Variants in PLAGL2 observed in about 807,000 individuals in gnomAD.
The protein encoded by PLAGL2 is zinc finger protein PLAGL2.
A neutral mutation model predicts 29.0 loss-of-function variants in PLAGL2; 7 were observed. The ratio of observed to expected loss-of-function variants is 0.24; its 90% confidence interval spans 0.14 to 0.45. PLAGL2 has a LOEUF of 0.45. Ranked by LOEUF, PLAGL2 falls within the 20% of genes least tolerant of loss-of-function variation. PLAGL2 has a pLI of 0.99. For synonymous variants in PLAGL2, 234 were observed against 266.0 expected, an observed-to-expected ratio of 0.88 and a Z score of 1.17; for missense variants, 454 against 648.2, an observed-to-expected ratio of 0.70 and a Z score of 3.25.
rs959803878 is a variant in PLAGL2 at position 32,195,171 on chromosome 20, T to C, written c.*1281A>G. 6.6e-6 allele frequency: 1 copy of C among 152,202 alleles called. No individual in the cohort carries two copies. The highest frequency in any genetic ancestry group is 1.5e-5 in the Non-Finnish European group (1 of 68,014). The allele number at this position is 152,202 out of a possible 1,614,324, so 9.4% of individuals were successfully genotyped here. A position where few individuals can be genotyped will look rare whatever the true frequency, so the allele number is the denominator to read the frequency against. ...TAAAGTGGAAGAGACAGAAGGGACA[T>C]TGTGGATAAGGAAAATTTTGGTTTG... On this transcript the variant is annotated 3_prime_UTR_variant, in exon 3 of 3. Transcript: ENST00000246229.
rs2047232805 is a variant in PLAGL2 at position 32,196,982 on chromosome 20, T to C, written c.961A>G (p.Met321Val). Residue 321 changes from methionine to valine, a missense_variant, in exon 3 of 3, where the codon ATG becomes GTG. Physicochemically the swap from Met to Val is conservative, Grantham distance 21. Transcript: ENST00000246229. Reference sequence around the variant, plus strand: ...GATTCCAGAGGGTAGCTCATACCCATGGGCAGCGTGTTGTGCACCAGGGAG... The same window carrying C: ...GATTCCAGAGGGTAGCTCATACCCACGGGCAGCGTGTTGTGCACCAGGGAG... Reference protein sequence around the residue: ...PHSLVHNTLPMGMSYPLESSP... With the variant: ...PHSLVHNTLPVGMSYPLESSP... The C allele has an allele frequency of 6.2e-7, 1 of 1,614,206 alleles. No homozygotes were observed. Among genetic ancestry groups the C allele is most frequent in the Non-Finnish European group, 8.5e-7 (1 of 1,180,024 alleles).
At chr20:32,205,802 T>C (rs2047283447) in intron 1 of PLAGL2, among the ~76,000 whole-genome samples, 1 of 152,218 alleles carries the variant, frequency 6.6e-6, no homozygotes, top group South Asian at 2.1e-4. Flanking sequence ...GTCTTTGTAT[T>C]GAGTTGCATG....
Position 32,194,538 on chromosome 20 carries a change from T to C in PLAGL2, c.*1914A>G, listed in dbSNP as rs1313982904. On this transcript the variant is annotated 3_prime_UTR_variant, in exon 3 of 3. Coordinates refer to ENST00000246229, the MANE Select transcript of PLAGL2 (RefSeq NM_002657.3). Reference sequence around the variant, plus strand: ...TAAATCAAAACACACTTACTCCAAATTGCTTCTAATCAAGAGCTAGGGAGC... The same window carrying C: ...TAAATCAAAACACACTTACTCCAAACTGCTTCTAATCAAGAGCTAGGGAGC... 1 of 152,642 alleles carries C rather than the reference T, an allele frequency of 6.6e-6. No homozygotes were observed. The highest frequency in any genetic ancestry group is 2.4e-5 in the African/African-American group (1 of 41,450). 9.5% of individuals were successfully genotyped at this position (152,642 alleles called of 1,614,324 possible). A position where few individuals can be genotyped will look rare whatever the true frequency, so the allele number is the denominator to read the frequency against.
chr20:32,201,904 G>C lies in PLAGL2; in HGVS notation c.260+15C>G, dbSNP rs755444816. ...GGAACCTCAGGGCAGGAAGAGATATGAGAGTGTCACCTACCTATACAGCTT... is the reference window on the plus strand; with the variant it reads ...GGAACCTCAGGGCAGGAAGAGATATCAGAGTGTCACCTACCTATACAGCTT... On this transcript the variant is annotated intron_variant, in intron 2 of 2. Coordinates refer to ENST00000246229, the MANE Select transcript of PLAGL2 (RefSeq NM_002657.3). 1.2e-6 allele frequency: 2 copies of C among 1,605,908 alleles called. No individual in the cohort carries two copies. The highest frequency in any genetic ancestry group is 2.2e-5 in the South Asian group (2 of 90,740).
rs1367577475 is a variant in PLAGL2, at chr20:32,195,358, C to G, written c.*1094G>C. ...TCCTCCTTTGCTATCCACACCAACC[C>G]AGACTCTGCTTCCAAGACTAATAAC... On this transcript the variant is annotated 3_prime_UTR_variant, in exon 3 of 3. Transcript: ENST00000246229. 6.6e-6 allele frequency: 1 copy of G among 152,654 alleles called. No individual in the cohort carries two copies. Among genetic ancestry groups the G allele is most frequent in the African/African-American group, 2.4e-5 (1 of 41,450 alleles). 9.5% of individuals were successfully genotyped at this position (152,654 alleles called of 1,614,324 possible).
intron 2 of PLAGL2, among the ~76,000 whole-genome samples, chr20:32,199,890 C>T (rs756735502): frequency 2.0e-5 from 3 of 152,008 alleles, no homozygotes; most frequent in Non-Finnish European, 4.4e-5. Context: ...ACTGGAGTTC[C>T]CTTAACTTAT....
rs1463473427 is a variant in PLAGL2, at chr20:32,198,072, T to C, written c.261-390A>G. On this transcript the variant is annotated intron_variant, in intron 2 of 2. Coordinates refer to ENST00000246229, the MANE Select transcript of PLAGL2 (RefSeq NM_002657.3). ...GAAAAAAAGCAAGGAGGCAGAATAGTGGATGTAGACTAGGACTCTATGTGA... is the reference window on the plus strand; with the variant it reads ...GAAAAAAAGCAAGGAGGCAGAATAGCGGATGTAGACTAGGACTCTATGTGA... 2.6e-5 allele frequency among the ~76,000 whole-genome samples: 4 copies of C among 152,232 alleles called. 1 individual carries two copies. Among genetic ancestry groups the C allele is most frequent in the Middle Eastern group, 6.8e-3 (2 of 294 alleles).
At chr20:32,203,796 G>A (rs1420721965) in intron 1 of PLAGL2, among the ~76,000 whole-genome samples, 1 of 152,186 alleles carries the variant, frequency 6.6e-6, no homozygotes, top group Non-Finnish European at 1.5e-5. Context: ...TCCTGTTCAG[G>A]AACCATTCCT....
At chr20:32,203,363 G>A (rs2047269301) in intron 1 of PLAGL2, among the ~76,000 whole-genome samples, 3 of 152,210 alleles carry the variant, frequency 2.0e-5, no homozygotes, top group African/African-American at 7.2e-5. Flanking sequence ...TAGAAGGGGA[G>A]ATGTGCAAGA....
Position 32,196,671 on chromosome 20 carries a change from G to A in PLAGL2, c.1272C>T (p.Asn424=). 1.3e-6 allele frequency: 2 copies of A among 1,545,010 alleles called. No homozygotes were observed. Among genetic ancestry groups the A allele is most frequent in the African/African-American group, 1.4e-5 (1 of 72,938 alleles). Residue 424 remains asparagine, a synonymous_variant, in exon 3 of 3, where the codon AAC becomes AAT. Coordinates refer to ENST00000246229, the MANE Select transcript of PLAGL2 (RefSeq NM_002657.3). ...CCCCAGGTGGGTTACACGGGGGCAG[G>A]TTGAGTGGAAGAAAGCCCAGTAGGT... ...FSHLLGFLPL[N]LPPCNPPGAT... is the part of the protein sequence containing the mutation.
Position 32,192,794 on chromosome 20 carries a change from G to A in PLAGL2, c.*3658C>T, listed in dbSNP as rs1208933992. 1 of 152,642 alleles carries A rather than the reference G, an allele frequency of 6.6e-6. No individual in the cohort carries two copies. The highest frequency in any genetic ancestry group is 1.5e-5 in the Non-Finnish European group (1 of 68,052). The allele number at this position is 152,642 out of a possible 1,614,324, so 9.5% of individuals were successfully genotyped here. ...CTCCAAAGCCTTGACCGCTGGTAGG[G>A]AGGGAGAAGCATGAGAAGTGGTGTC... On this transcript the variant is annotated 3_prime_UTR_variant, in exon 3 of 3. Coordinates refer to ENST00000246229, the MANE Select transcript of PLAGL2 (RefSeq NM_002657.3).
Position 32,193,134 on chromosome 20 carries a change from A to C in PLAGL2, c.*3318T>G, listed in dbSNP as rs1166382811. On this transcript the variant is annotated 3_prime_UTR_variant, in exon 3 of 3. Transcript: ENST00000246229. ...TACATAAATATCCTTGTTAAAAAGC[A>C]AAATATTGATCCTGTACAATATAAC... The C allele has an allele frequency of 3.3e-5, 5 of 152,544 alleles. No homozygotes were observed. Among genetic ancestry groups the C allele is most frequent in the Non-Finnish European group, 1.5e-5 (1 of 68,048 alleles). The allele number at this position is 152,544 out of a possible 1,614,324, so 9.4% of individuals were successfully genotyped here.
At position 32,192,589 on chromosome 20, in the gene PLAGL2, C is replaced by A. The variant is rs1183999818; in HGVS notation, c.*3863G>T. On this transcript the variant is annotated 3_prime_UTR_variant, in exon 3 of 3. Transcript: ENST00000246229. The stretch of plus-strand genomic sequence containing the variant: ...GTAATTCTGTAAAACATTGAAAAAT[C>A]TACTTTAACAAAGATATGCCCTGTG... 6.6e-6 allele frequency: 1 copy of A among 152,620 alleles called. No individual in the cohort carries two copies. The highest frequency in any genetic ancestry group is 1.5e-5 in the Non-Finnish European group (1 of 68,042). 9.5% of individuals were successfully genotyped at this position (152,620 alleles called of 1,614,324 possible).
chr20:32,196,677 T>A lies in PLAGL2; in HGVS notation c.1266A>T (p.Pro422=), dbSNP rs1298362321. 9.1e-6 allele frequency: 14 copies of A among 1,544,620 alleles called. No individual in the cohort carries two copies. The highest frequency in any genetic ancestry group is 1.2e-5 in the Non-Finnish European group (14 of 1,145,970). Residue 422 remains proline, a synonymous_variant, in exon 3 of 3, where the codon CCA becomes CCT. Coordinates refer to ENST00000246229, the MANE Select transcript of PLAGL2 (RefSeq NM_002657.3). Reference sequence around the variant, plus strand: ...GTGGGTTACACGGGGGCAGGTTGAGTGGAAGAAAGCCCAGTAGGTGGGAGA... The same window carrying A: ...GTGGGTTACACGGGGGCAGGTTGAGAGGAAGAAAGCCCAGTAGGTGGGAGA... ...VDFSHLLGFL[P]LNLPPCNPPG...
intron 2 of PLAGL2, among the ~76,000 whole-genome samples, chr20:32,198,632 G>A (rs1312458624): frequency 2.0e-5 from 3 of 152,152 alleles, no homozygotes; most frequent in East Asian, 1.9e-4. Flanking sequence ...GCAAGACTCC[G>A]TCTCTAAATA....
In PLAGL2 at chr20:32,196,572, A is replaced by G; in HGVS notation, c.1371T>C (p.Pro457=). The change falls in exon 3 of 3, where the codon CCT becomes CCC. Residue 457 remains proline (P), a synonymous_variant. Coordinates refer to ENST00000246229, the MANE Select transcript of PLAGL2 (RefSeq NM_002657.3). Reference sequence around the variant, plus strand: ...GTCCCCCAGCTCCTGGGGAATCTTGAGGCTGAGCTTGCAAAGTGGTAAGCA... The same window carrying G: ...GTCCCCCAGCTCCTGGGGAATCTTGGGGCTGAGCTTGCAAAGTGGTAAGCA... ...QPLLTTLQAQ[P]QDSPGAGGPL... The G allele has an allele frequency of 1.3e-6, 2 of 1,544,196 alleles. No homozygotes were observed. Among genetic ancestry groups the G allele is most frequent in the Non-Finnish European group, 1.7e-6 (2 of 1,150,416 alleles).
intron 1 of PLAGL2, among the ~76,000 whole-genome samples, chr20:32,207,108 G>A (rs1034930845): frequency 2.6e-5 from 4 of 152,152 alleles, no homozygotes; most frequent in Admixed American, 1.3e-4. Flanking sequence ...GGGAACTACA[G>A]GTGGGGCTTA....
intron 1 of PLAGL2, among the ~76,000 whole-genome samples, chr20:32,204,192 T>C (rs1390700622): frequency 1.3e-5 from 2 of 152,098 alleles, no homozygotes; most frequent in Non-Finnish European, 2.9e-5. Context: ...CCCCTTCAAT[T>C]TGAAATCATG....
Position 32,193,350 on chromosome 20 carries a change from T to TAATTGATGGC in PLAGL2, c.*3101_*3102insGCCATCAATT, listed in dbSNP as rs1210085313. On this transcript the variant is annotated 3_prime_UTR_variant, in exon 3 of 3. Transcript: ENST00000246229. ...AAGTAATCACACCTGCTTCCCGGAT[T>TAATTGATGGC]TTCAATTAAGAAAATGCCATTTGTA... is the stretch of plus-strand genomic sequence containing the variant. 1 of 152,148 alleles carries TAATTGATGGC rather than the reference T, an allele frequency of 6.6e-6. No individual in the cohort carries two copies. The highest frequency in any genetic ancestry group is 1.5e-5 in the Non-Finnish European group (1 of 68,042). The allele number at this position is 152,148 out of a possible 1,614,324, so 9.4% of individuals were successfully genotyped here. A position where few individuals can be genotyped will look rare whatever the true frequency, so the allele number is the denominator to read the frequency against.
Sources: gnomAD v4.1 joint callset for allele counts (sites outside exome capture counted in the v4.1 genomes callset) on GRCh38, gnomAD v4.1.1 for gene constraint, MANE v1.5 for transcripts, NCBI Gene and HGNC (gene_info 2026-07-23, HGNC 2026-07-21) for gene names.